AOPEP: variants seen among roughly 807,000 people sequenced by gnomAD.
AOPEP encodes aminopeptidase O (putative), also known as aminopeptidase O.
A neutral mutation model predicts 98.1 loss-of-function variants in AOPEP; 77 were observed. That is an observed-to-expected ratio of 0.78 (90% CI 0.65 to 0.95). AOPEP has a LOEUF of 0.95. AOPEP is among the 40% of genes least tolerant of loss of function. AOPEP has a pLI of 0.00. For missense variants in AOPEP, 1,024 were observed against 1,024.7 expected (o/e 1.00, Z 0.01); for synonymous variants, 346 against 365.3 (o/e 0.95, Z 0.60).
At chr9:94,911,565 T>G (rs2052039792) in intron 5 of AOPEP, among the ~76,000 whole-genome samples, 1 of 152,250 alleles carries the variant, frequency 6.6e-6, no homozygotes, top group Non-Finnish European at 1.5e-5. Flanking sequence ...CAGGATTGGT[T>G]CTGTTTTTAC....
rs368515133 is a variant in AOPEP at position 94,988,912 on chromosome 9, C to CTTT, written c.1977+9498_1977+9500dup. Among the ~76,000 whole-genome samples the CTTT allele has an allele frequency of 1.9e-4, 27 of 138,844 alleles. 1 individual carries two copies. In the East Asian group the frequency reaches 2.1e-3, roughly 11 times the overall value. 91.1% of individuals were successfully genotyped at this position (138,844 alleles called of 152,430 possible). On this transcript the variant is annotated intron_variant, in intron 11 of 16. Coordinates refer to ENST00000375315, the MANE Select transcript of AOPEP (RefSeq NM_001193329.3). ...TATCAAAATAAGTTTCTTTTCCTTT[C>CTTT]TTTTTTTTTTTTTTTAGACAAAGTC...
At chr9:95,047,525 A>G (rs780623946) in intron 13 of AOPEP, among the ~76,000 whole-genome samples, 12 of 152,206 alleles carry the variant, frequency 7.9e-5, no homozygotes, top group Non-Finnish European at 1.6e-4. Context: ...AGAACTTGTG[A>G]ATGGACTATT....
the AOPEP span, among the ~76,000 whole-genome samples, chr9:95,148,214 A>C: frequency 1.3e-5 from 2 of 152,250 alleles, no homozygotes; most frequent in African/African-American, 4.8e-5. Flanking sequence ...TTTAAAAAAG[A>C]ATTCTGTACG....
rs2044639315 is a variant in AOPEP at position 94,859,281 on chromosome 9, A to C, written c.1364+58279A>C. 3.9e-5 allele frequency among the ~76,000 whole-genome samples: 6 copies of C among 152,244 alleles called. No homozygotes were observed. The South Asian group carries it at 1.2e-3, about 32-fold the overall frequency. ...CCAGCCTCCAGAAGTGTGAGAAATA[A>C]ATTTCTGTTTATAAGCACCCAGTCT... On this transcript the variant is annotated intron_variant, in intron 5 of 16. Coordinates refer to ENST00000375315, the MANE Select transcript of AOPEP (RefSeq NM_001193329.3).
intron 1 of AOPEP, among the ~76,000 whole-genome samples, chr9:94,747,953 TA>T (rs548409557): frequency 5.3e-5 from 8 of 152,014 alleles, no homozygotes; most frequent in Non-Finnish European, 7.4e-5. Context: ...GAATAATAAA[TA>T]AAAAAATAGG....
chr9:95,082,350 T>C (rs1305578000), intron 15 of AOPEP, among the ~76,000 whole-genome samples: 1 of 152,118 alleles, frequency 6.6e-6, no homozygotes, highest in African/African-American at 2.4e-5. Context: ...GTGTAGAGAA[T>C]TGGGAGCTGA....
intron 1 of AOPEP, among the ~76,000 whole-genome samples, chr9:94,744,701 CAAAAAAAAAAA>C (rs757571360): frequency 5.4e-5 from 3 of 56,070 alleles, no homozygotes; most frequent in African/African-American, 1.2e-4. Context: ...GACTCTGTCT[CAAAAAAAAAAA>C]AAAAAAAAAA....
chr9:94,990,029 G>T (rs1478231313), intron 11 of AOPEP, among the ~76,000 whole-genome samples: 7 of 152,212 alleles, frequency 4.6e-5, no homozygotes, highest in Non-Finnish European at 4.4e-5. Context: ...TGAGCTCATG[G>T]TTTGTGGAAG....
At chr9:95,035,468 G>GT (rs1223183164) in intron 13 of AOPEP, among the ~76,000 whole-genome samples, 1 of 131,092 alleles carries the variant, frequency 7.6e-6, no homozygotes, top group Non-Finnish European at 1.6e-5. Context: ...GTGATTTGCT[G>GT]TTTTTTAAAA....
chr9:94,933,309 T>A, intron 7 of AOPEP: 1 of 985,532 alleles, frequency 1.0e-6, no homozygotes, highest in Non-Finnish European at 1.2e-6. Context: ...GTTAGCACAC[T>A]CTGACAGGCC....
At chr9:94,896,567 T>C (rs146162027) in intron 5 of AOPEP, among the ~76,000 whole-genome samples, 72 of 152,342 alleles carry the variant, frequency 4.7e-4, no homozygotes, top group Non-Finnish European at 7.2e-4. Flanking sequence ...AGCAGGTTCC[T>C]TGATGTGATG....
At chr9:94,939,010 G>A (rs1447791980) in intron 7 of AOPEP, among the ~76,000 whole-genome samples, 2 of 152,282 alleles carry the variant, frequency 1.3e-5, no homozygotes, top group East Asian at 3.9e-4. Flanking sequence ...AGCACTTTGG[G>A]AGGCCGAGGC....
chr9:95,066,842 C>T (rs983212386), intron 14 of AOPEP, among the ~76,000 whole-genome samples: 4 of 152,114 alleles, frequency 2.6e-5, no homozygotes, highest in African/African-American at 9.7e-5. Flanking sequence ...AAAGGCTTCT[C>T]GAGTGGAATT....
intron 10 of AOPEP, among the ~76,000 whole-genome samples, chr9:94,978,829 CAAAT>C: frequency 6.6e-6 from 1 of 151,982 alleles, no homozygotes; most frequent in East Asian, 1.9e-4. Context: ...GATAACACCT[CAAAT>C]AAAGCAGAAC....
intron 11 of AOPEP, chr9:95,004,414 G>GCCGGAGCCC (rs2061776107): frequency 2.5e-6 from 1 of 392,672 alleles, no homozygotes; most frequent in African/African-American, 2.1e-5. Flanking sequence ...GCGCGGGGCT[G>GCCGGAGCCC]GGTTTCTCTG....
chr9:94,928,289 A>G (rs1404322600), intron 6 of AOPEP, 136 bp from the exon 7 acceptor site: 23 of 643,208 alleles, frequency 3.6e-5, no homozygotes, highest in Middle Eastern at 4.2e-4. Context: ...AGTGGCCTTT[A>G]GGTTTCTGAT....
the AOPEP span, among the ~76,000 whole-genome samples, chr9:95,102,651 G>A: frequency 2.0e-5 from 3 of 152,222 alleles, no homozygotes; most frequent in Non-Finnish European, 2.9e-5. Flanking sequence ...GGGTTGGGCC[G>A]TTCTGGGAGG....
chr9:95,006,209 A>G (rs1397370657), intron 13 of AOPEP: 5 of 400,850 alleles, frequency 1.2e-5, no homozygotes, highest in Admixed American at 1.2e-4. Context: ...AATATCATGA[A>G]ATAAGGTAAG....
intron 3 of AOPEP, among the ~76,000 whole-genome samples, chr9:94,783,860 T>C (rs1299081180): frequency 6.6e-6 from 1 of 152,092 alleles, no homozygotes; most frequent in East Asian, 1.9e-4. Context: ...ATAGTTTGGA[T>C]AGGAATTGCT....
Sources: allele counts gnomAD v4.1 joint callset (sites outside exome capture counted in the v4.1 genomes callset), GRCh38; gene constraint gnomAD v4.1.1; transcripts MANE v1.5; gene names NCBI Gene and HGNC (gene_info 2026-07-23, HGNC 2026-07-21).